The following ERG variants were observed in gnomAD, a reference collection of about 807,000 sequenced individuals.
ERG encodes ETS transcription factor ERG, also known as transcriptional regulator ERG.
In ERG, 9 loss-of-function variants were observed where a neutral mutation model predicts 55.3. That is an observed-to-expected ratio of 0.16 (90% CI 0.10 to 0.28). The LOEUF (loss-of-function observed/expected upper bound fraction) is 0.28, where lower values mean the gene tolerates loss of function less well. Among genes scored for constraint, ERG ranks in the 10% least tolerant of loss-of-function variants. The pLI is 1.00. For synonymous variants in ERG, 223 were observed against 237.3 expected (o/e 0.94, Z 0.55); for missense variants, 434 against 631.6 (o/e 0.69, Z 3.35).
rs549268060 is a variant in ERG, at chr21:38,590,724, C to A, written c.-149-5779G>T. Among the ~76,000 whole-genome samples, 164 of 152,328 alleles carry A rather than the reference C, an allele frequency of 1.1e-3. 2 individuals are homozygous for A. The highest frequency in any genetic ancestry group is 9.5e-3 in the Admixed American group (145 of 15,306). On this transcript the variant is annotated intron_variant, in intron 1 of 10. Transcript: ENST00000398910. ...CCATCCATCTATCCATCCATCCATA[C>A]GCACTGAGTTCCCTCCATGTGCCAA...
At chr21:38,476,780 C>T (rs1203043920) in intron 1 of ERG, among the ~76,000 whole-genome samples, 1 of 152,070 alleles carries the variant, frequency 6.6e-6, no homozygotes, top group Non-Finnish European at 1.5e-5. Context: ...GCACCAACAA[C>T]AACGTTTAGG....
At chr21:38,588,369 C>A (rs2060079796), upstream of ERG, among the ~76,000 whole-genome samples, 1 of 152,128 alleles carries the variant, frequency 6.6e-6, no homozygotes, top group African/African-American at 2.4e-5. Flanking sequence ...GGACAAACCA[C>A]ATGACCCCTG....
At chr21:38,386,382 C>A (rs539813006) in intron 9 of ERG, among the ~76,000 whole-genome samples, 2 of 152,258 alleles carry the variant, frequency 1.3e-5, no homozygotes, top group South Asian at 4.1e-4. Flanking sequence ...ATGTCAAACT[C>A]ATTAATTGTT....
intron 1 of ERG, among the ~76,000 whole-genome samples, chr21:38,616,262 T>A (rs552410696): frequency 6.6e-6 from 1 of 152,298 alleles, no homozygotes; most frequent in South Asian, 2.1e-4. Context: ...CTTTCCTTTA[T>A]AAATTACACA....
chr21:38,419,975 G>A (rs1409781585), intron 3 of ERG, among the ~76,000 whole-genome samples: 3 of 151,350 alleles, frequency 2.0e-5, no homozygotes, highest in African/African-American at 7.3e-5. Context: ...GCTATCTCTA[G>A]TGTGTAAACA....
At chr21:38,377,004 C>A (rs1378135518), downstream of ERG, among the ~76,000 whole-genome samples, 2 of 152,368 alleles carry the variant, frequency 1.3e-5, no homozygotes, top group East Asian at 3.9e-4. Flanking sequence ...CTCCATTTGA[C>A]ATGCCCTGAA....
intron 2 of ERG, among the ~76,000 whole-genome samples, chr21:38,553,502 T>C (rs2059837717): frequency 6.6e-6 from 1 of 152,092 alleles, no homozygotes; most frequent in Non-Finnish European, 1.5e-5. Flanking sequence ...ACCAATGGAC[T>C]AGATTAGAGA....
intron 7 of ERG, 84 bp downstream of exon 7, chr21:38,392,292 A>G (rs772336246): frequency 8.4e-7 from 1 of 1,191,240 alleles, no homozygotes; most frequent in Admixed American, 2.0e-5. Flanking sequence ...TCACAGATTA[A>G]CCACAGAAAT....
At chr21:38,587,435 T>G (rs2060072932), upstream of ERG, among the ~76,000 whole-genome samples, 1 of 151,576 alleles carries the variant, frequency 6.6e-6, no homozygotes, top group Admixed American at 6.6e-5. Context: ...CTTGGCTCAC[T>G]GCAACCTCCG....
At chr21:38,605,382 G>T (rs960408667) in intron 1 of ERG, among the ~76,000 whole-genome samples, 4 of 152,140 alleles carry the variant, frequency 2.6e-5, no homozygotes, top group Non-Finnish European at 5.9e-5. Context: ...CCACATGGTA[G>T]ACTCGCCTGA....
chr21:38,528,768 A>G (rs1279155146), intron 2 of ERG, among the ~76,000 whole-genome samples: 1 of 152,098 alleles, frequency 6.6e-6, no homozygotes, highest in Non-Finnish European at 1.5e-5. Context: ...TTTTGTAAAC[A>G]TAACTATTTA....
intron 1 of ERG, among the ~76,000 whole-genome samples, chr21:38,601,909 T>C (rs2060166707): frequency 1.3e-5 from 2 of 152,158 alleles, no homozygotes; most frequent in Non-Finnish European, 2.9e-5. Flanking sequence ...TGAGATGGTG[T>C]CTCCCTCTGT....
At chr21:38,510,332 T>C (rs906656790) in intron 2 of ERG, among the ~76,000 whole-genome samples, 5 of 152,210 alleles carry the variant, frequency 3.3e-5, no homozygotes, top group African/African-American at 7.2e-5. Context: ...CTGTTCGAGC[T>C]TTTCATCAGG....
intron 1 of ERG, among the ~76,000 whole-genome samples, chr21:38,618,110 C>G (rs1380058882): frequency 6.6e-6 from 1 of 152,184 alleles, no homozygotes; most frequent in Non-Finnish European, 1.5e-5. Context: ...AGACCATCAA[C>G]AGTAGGATCA....
rs769512757 is a variant in ERG at position 38,383,836 on chromosome 21, T to G, written c.1007A>C (p.Asn336Thr). The change falls in exon 10 of 10, where the codon AAC (asparagine) becomes ACC (threonine). Residue 336 changes from asparagine (N) to threonine (T), a missense_variant. Transcript: ENST00000288319. This position sits in a 1 kb window ranked among gnomAD's most constrained non-coding sequence, Gnocchi z 5.7. ...NSSCITWEGT[N>T]GEFKMTDPDE... ...GGGATCCGTCATCTTGAACTCCCCG[T>G]TGGTGCCTTCCCAGGTGATGCAGCT... 8.1e-6 allele frequency: 13 copies of G among 1,614,030 alleles called. No homozygotes were observed. The Admixed American group carries it at 1.5e-4, about 19-fold the overall frequency.
At chr21:38,470,430 C>T (rs1041845386) in intron 1 of ERG, among the ~76,000 whole-genome samples, 4 of 152,078 alleles carry the variant, frequency 2.6e-5, no homozygotes, top group Non-Finnish European at 4.4e-5. Context: ...CAAGCTAAGT[C>T]GTAAGATTTT....
At chr21:38,423,618 C>A in intron 2 of ERG, 57 bp from the exon 3 acceptor site, 13 of 1,522,962 alleles carry the variant, frequency 8.5e-6, no homozygotes, top group Non-Finnish European at 1.1e-5. Context: ...ATGTCTCCAT[C>A]GACTTCTCAC....
chr21:38,488,445 T>C (rs1256302892), intron 1 of ERG, among the ~76,000 whole-genome samples: 1 of 152,226 alleles, frequency 6.6e-6, no homozygotes, highest in Non-Finnish European at 1.5e-5. Flanking sequence ...TCTATTTTTT[T>C]TTCTCCTACA....
intron 1 of ERG, among the ~76,000 whole-genome samples, chr21:38,462,293 T>C (rs565801545): frequency 5.3e-5 from 8 of 152,308 alleles, no homozygotes; most frequent in African/African-American, 1.7e-4. Context: ...TTGTTATTGT[T>C]ATTTTTAAAT....
Sources: allele counts gnomAD v4.1 joint callset (sites outside exome capture counted in the v4.1 genomes callset), GRCh38; gene constraint gnomAD v4.1.1; non-coding constraint Gnocchi (gnomAD v3.1); transcripts MANE v1.5; gene names NCBI Gene and HGNC (gene_info 2026-07-23, HGNC 2026-07-21).